OSBPL10: variants seen among roughly 807,000 people sequenced by gnomAD.
The protein encoded by OSBPL10 is oxysterol binding protein like 10, also known as oxysterol-binding protein-related protein 10.
In OSBPL10, 49 loss-of-function variants were observed where a neutral mutation model predicts 81.7. That is an observed-to-expected ratio of 0.60 (90% CI 0.48 to 0.76). The LOEUF (loss-of-function observed/expected upper bound fraction) is 0.76. OSBPL10 is among the 30% of genes least tolerant of loss of function. The pLI, the probability that OSBPL10 is intolerant of heterozygous loss-of-function variation, is 0.00. For missense variants in OSBPL10, 923 were observed against 987.8 expected, an observed-to-expected ratio of 0.93 and a Z score of 0.88; for synonymous variants, 419 against 383.6, an observed-to-expected ratio of 1.09 and a Z score of -1.08.
At chr3:31,783,823 AATAT>A (rs60886858) in intron 4 of OSBPL10, among the ~76,000 whole-genome samples, 698 of 16,584 alleles carry the variant, frequency 0.042, 15 homozygotes, top group African/African-American at 0.056. Flanking sequence ...AAAAAAAAAA[AATAT>A]ATATATATAT....
At chr3:31,703,462 A>C (rs1395720892) in intron 6 of OSBPL10, among the ~76,000 whole-genome samples, 2 of 152,240 alleles carry the variant, frequency 1.3e-5, no homozygotes, top group African/African-American at 4.8e-5. Flanking sequence ...AAGATGTTAA[A>C]CATGAAAGGA....
chr3:31,797,879 A>G (rs1252271645), intron 4 of OSBPL10: 1 of 449,650 alleles, frequency 2.2e-6, no homozygotes, highest in Non-Finnish European at 4.5e-6. Flanking sequence ...TGTTAGATAA[A>G]ATAGCTATGG....
chr3:31,681,310 T>A (rs562542937), intron 8 of OSBPL10, among the ~76,000 whole-genome samples: 91 of 152,302 alleles, frequency 6.0e-4, no homozygotes, highest in African/African-American at 2.0e-3. Flanking sequence ...GGAGTTGCCA[T>A]CTTACCTATG....
intron 2 of OSBPL10, among the ~76,000 whole-genome samples, chr3:32,005,255 A>G (rs969313637): frequency 1.3e-5 from 2 of 152,080 alleles, no homozygotes; most frequent in Admixed American, 1.3e-4. Context: ...CTAATTTTTA[A>G]GATCTACCCA....
intron 1 of OSBPL10, among the ~76,000 whole-genome samples, chr3:31,907,619 C>CAA (rs142840420): frequency 0.031 from 2,006 of 63,780 alleles, 123 homozygotes; most frequent in Non-Finnish European, 0.037. Flanking sequence ...ACCTCCATCT[C>CAA]AAAAAAAAAA....
intron 7 of OSBPL10, among the ~76,000 whole-genome samples, chr3:31,693,324 C>T (rs577079412): frequency 9.2e-5 from 14 of 152,266 alleles, no homozygotes; most frequent in African/African-American, 3.1e-4. Context: ...GAAATTGGGC[C>T]TAATGAAATA....
intron 1 of OSBPL10, among the ~76,000 whole-genome samples, chr3:31,912,113 T>A (rs1696596992): frequency 6.6e-6 from 1 of 151,796 alleles, no homozygotes; most frequent in Non-Finnish European, 1.5e-5. Context: ...AAAAAAAAAT[T>A]GGCTGGGCGC....
At chr3:31,883,656 C>G (rs1392658182) in intron 1 of OSBPL10, among the ~76,000 whole-genome samples, 2 of 151,946 alleles carry the variant, frequency 1.3e-5, no homozygotes, top group East Asian at 3.9e-4. Flanking sequence ...CTCAGCCTCC[C>G]GAGTAGCTGA....
rs567595470 is a variant in OSBPL10, at chr3:32,060,998, G to A, written n.186-14395C>T. ...CAAAAAAAAAAAAAAAACCCTCAGA[G>A]GACCCCCTGCTCCTGCTCTGTCCCT... On this transcript the variant is annotated intron_variant and non_coding_transcript_variant, in intron 1 of 3. Coordinates refer to the OSBPL10 transcript ENST00000479173. Among the ~76,000 whole-genome samples, 295 of 84,656 alleles carry A rather than the reference G, an allele frequency of 3.5e-3. 57 individuals carry two copies. Among genetic ancestry groups the A allele is most frequent in the Middle Eastern group, 0.017 (3 of 172 alleles). 55.5% of individuals were successfully genotyped at this position (84,656 alleles called of 152,430 possible).
At chr3:31,738,303 A>G (rs1697250451) in intron 5 of OSBPL10, among the ~76,000 whole-genome samples, 1 of 152,150 alleles carries the variant, frequency 6.6e-6, no homozygotes, top group Admixed American at 6.5e-5. Context: ...TCCCTAGTTT[A>G]TGAAGTTTGG....
chr3:31,840,931 G>A lies in OSBPL10; in HGVS notation c.538-10700C>T, dbSNP rs182388206. Among the ~76,000 whole-genome samples the A allele has an allele frequency of 2.0e-3, 310 of 152,250 alleles. 1 individual carries two copies. The highest frequency in any genetic ancestry group is 7.1e-3 in the African/African-American group (293 of 41,552). ...GTTGTTGTTTTGTTGTTTTTGAGAC[G>A]GAGTTTCGCTCTTGTAGCCCAGGCT... On this transcript the variant is annotated intron_variant, in intron 3 of 11. Coordinates refer to ENST00000396556, the MANE Select transcript of OSBPL10 (RefSeq NM_017784.5).
chr3:31,942,269 G>A (rs984351733), intron 1 of OSBPL10, among the ~76,000 whole-genome samples: 1 of 151,714 alleles, frequency 6.6e-6, no homozygotes, highest in Non-Finnish European at 1.5e-5. Flanking sequence ...TATAAAAAGC[G>A]GGCTGAGCGC....
At chr3:31,808,097 C>T (rs530527553) in intron 4 of OSBPL10, among the ~76,000 whole-genome samples, 1 of 152,110 alleles carries the variant, frequency 6.6e-6, no homozygotes, top group Non-Finnish European at 1.5e-5. Flanking sequence ...TGAGTTTCAC[C>T]CAGAATCAGT....
chr3:31,729,444 CAG>C (rs1212301979), intron 6 of OSBPL10, among the ~76,000 whole-genome samples: 11 of 152,126 alleles, frequency 7.2e-5, no homozygotes, highest in African/African-American at 2.7e-4. Flanking sequence ...TTGGAGGAGA[CAG>C]AGTCTTACTC....
intron 8 of OSBPL10, among the ~76,000 whole-genome samples, chr3:31,672,425 G>GGA (rs1700348499): frequency 7.0e-6 from 1 of 142,966 alleles, no homozygotes; most frequent in African/African-American, 2.6e-5. Context: ...AGGAGGATAG[G>GGA]GAGAGAGAGA....
chr3:31,948,670 A>C (rs1025928292), intron 1 of OSBPL10, among the ~76,000 whole-genome samples: 3 of 152,150 alleles, frequency 2.0e-5, no homozygotes, highest in African/African-American at 7.2e-5. Context: ...GCACCCCAGG[A>C]GTGTTGCTAA....
chr3:31,863,772 T>A (rs957026139), intron 3 of OSBPL10, among the ~76,000 whole-genome samples: 1 of 152,196 alleles, frequency 6.6e-6, no homozygotes, highest in African/African-American at 2.4e-5. Context: ...TTTCAGCTAC[T>A]GGTTAATAGT....
In OSBPL10 at chr3:32,062,436, A is replaced by G. The variant is rs1699757121; in HGVS notation, n.185+14960T>C. ...TATGGCTATGTTTGTATGGCCCAGT[A>G]TGTTTGTATGGCTATGGTATGTTTT... On this transcript the variant is annotated intron_variant and non_coding_transcript_variant, in intron 1 of 3. Transcript: ENST00000479173. 2.1e-5 allele frequency among the ~76,000 whole-genome samples: 2 copies of G among 94,066 alleles called. 1 individual carries two copies. Among genetic ancestry groups the G allele is most frequent in the Non-Finnish European group, 5.7e-5 (2 of 34,970 alleles). 61.7% of individuals were successfully genotyped at this position (94,066 alleles called of 152,430 possible). A position where few individuals can be genotyped will look rare whatever the true frequency, so the allele number is the denominator to read the frequency against.
At chr3:31,787,851 C>T (rs185952262) in intron 4 of OSBPL10, among the ~76,000 whole-genome samples, 31 of 152,092 alleles carry the variant, frequency 2.0e-4, no homozygotes, top group Middle Eastern at 6.8e-3. Flanking sequence ...GGCATAAATA[C>T]CCGACAACAG....
Sources: gnomAD v4.1 joint callset for allele counts (sites outside exome capture counted in the v4.1 genomes callset) on GRCh38, gnomAD v4.1.1 for gene constraint, MANE v1.5 for transcripts, NCBI Gene and HGNC (gene_info 2026-07-23, HGNC 2026-07-21) for gene names.